The following ADGRL3 variants were observed in gnomAD, a reference collection of about 807,000 sequenced individuals.
ADGRL3 encodes calcium-independent alpha-latrotoxin receptor 3.
Under a neutral mutation model 153.5 loss-of-function variants are expected in ADGRL3, and 62 were observed. The ratio of observed to expected loss-of-function variants is 0.40; its 90% CI spans 0.33 to 0.50. The LOEUF (loss-of-function observed/expected upper bound fraction) is 0.50, where lower values mean the gene tolerates loss of function less well. Among genes scored for constraint, ADGRL3 ranks in the 20% least tolerant of loss-of-function variants. The probability of loss-of-function intolerance (pLI) is 0.47; values close to 1 mark genes in which losing one functional copy is unlikely to be tolerated. For synonymous variants in ADGRL3, 710 were observed against 672.5 expected, an observed-to-expected ratio of 1.06 and a Z score of -0.86; for missense variants, 1,641 against 1,859.4, an observed-to-expected ratio of 0.88 and a Z score of 2.16.
At chr4:61,762,254 T>G (rs1441210655) in intron 8 of ADGRL3, among the ~76,000 whole-genome samples, 1 of 152,190 alleles carries the variant, frequency 6.6e-6, no homozygotes, top group Non-Finnish European at 1.5e-5. Flanking sequence ...ATAAAATTTT[T>G]GAAACATTTA....
Position 61,884,075 on chromosome 4 carries a change from A to G in ADGRL3, c.1481-8581A>G, listed in dbSNP as rs1313904992. 2.0e-5 allele frequency among the ~76,000 whole-genome samples: 3 copies of G among 152,314 alleles called. No individual in the cohort carries two copies. The East Asian group carries it at 5.8e-4, about 29-fold the overall frequency. On this transcript the variant is annotated intron_variant, in intron 9 of 26. Transcript: ENST00000683033. ...CATAATAATTATTATTCAACATTTT[A>G]TTCCCAGTACAATGCCTGTCACATG...
chr4:61,408,858 A>T (rs2152236427), intron 2 of ADGRL3, among the ~76,000 whole-genome samples: 2 of 152,128 alleles, frequency 1.3e-5, no homozygotes, highest in Middle Eastern at 6.8e-3. Context: ...ATACTTTCAA[A>T]CTTATTTCTA....
At chr4:61,764,419 G>A (rs1174814268) in intron 8 of ADGRL3, among the ~76,000 whole-genome samples, 2 of 148,242 alleles carry the variant, frequency 1.3e-5, no homozygotes, top group Non-Finnish European at 2.9e-5. Flanking sequence ...AGGAGTGGGG[G>A]TTGCAAGGTG....
intron 2 of ADGRL3, among the ~76,000 whole-genome samples, chr4:61,430,149 G>T (rs1247131534): frequency 2.0e-5 from 3 of 152,056 alleles, no homozygotes; most frequent in African/African-American, 4.8e-5. Flanking sequence ...AGGTAATGTT[G>T]CCTTTCATCA....
At chr4:61,941,228 G>A (rs1410034604) in intron 15 of ADGRL3, among the ~76,000 whole-genome samples, 1 of 126,746 alleles carries the variant, frequency 7.9e-6, no homozygotes. Context: ...GTTTGTGAAA[G>A]ATCAGATAGT....
intron 9 of ADGRL3, among the ~76,000 whole-genome samples, chr4:61,836,012 C>G (rs2097929261): frequency 6.6e-6 from 1 of 152,058 alleles, no homozygotes; most frequent in Admixed American, 6.6e-5. Context: ...GAAAAAGTAG[C>G]CTGACATGGT....
intron 2 of ADGRL3, among the ~76,000 whole-genome samples, chr4:61,464,507 T>C (rs2097857634): frequency 6.6e-6 from 1 of 152,202 alleles, no homozygotes; most frequent in South Asian, 2.1e-4. Flanking sequence ...GAAATATTAA[T>C]TTACTCCAGA....
At chr4:61,259,626 G>GTCCATA (rs1278755238) in intron 1 of ADGRL3, among the ~76,000 whole-genome samples, 2 of 152,136 alleles carry the variant, frequency 1.3e-5, no homozygotes, top group African/African-American at 4.8e-5. Flanking sequence ...TGAACAGCAC[G>GTCCATA]TCCATATGCT....
intron 5 of ADGRL3, among the ~76,000 whole-genome samples, chr4:61,652,124 C>T (rs1488432918): frequency 2.0e-5 from 3 of 151,978 alleles, no homozygotes; most frequent in Non-Finnish European, 4.4e-5. Flanking sequence ...TAAGAGAAAA[C>T]ATAGCTTATT....
chr4:61,547,704 G>A (rs989472062), intron 4 of ADGRL3, among the ~76,000 whole-genome samples: 5 of 152,164 alleles, frequency 3.3e-5, no homozygotes, highest in African/African-American at 1.2e-4. Flanking sequence ...GAATACTGCT[G>A]CAGTGAATAT....
At chr4:61,258,565 G>A (rs1255108078) in intron 1 of ADGRL3, among the ~76,000 whole-genome samples, 3 of 152,172 alleles carry the variant, frequency 2.0e-5, no homozygotes, top group East Asian at 1.9e-4. Context: ...GCCTAGGTGC[G>A]TAGGTCTGTT....
At chr4:61,502,463 T>G (rs1387891184) in intron 3 of ADGRL3, among the ~76,000 whole-genome samples, 1 of 146,310 alleles carries the variant, frequency 6.8e-6, no homozygotes, top group Non-Finnish European at 1.5e-5. Flanking sequence ...AAAAAAATGC[T>G]TGTAGAACCA....
At chr4:61,312,062 A>G (rs947046561) in intron 1 of ADGRL3, among the ~76,000 whole-genome samples, 2 of 152,198 alleles carry the variant, frequency 1.3e-5, no homozygotes, top group African/African-American at 4.8e-5. Context: ...TGAAAAAAAT[A>G]AAACCTTTAA....
intron 8 of ADGRL3, among the ~76,000 whole-genome samples, chr4:61,811,338 G>GTTT (rs143850144): frequency 1.4e-4 from 21 of 151,454 alleles, no homozygotes; most frequent in African/African-American, 4.8e-4. Context: ...CAATGGATGA[G>GTTT]TTTTTTTTTA....
intron 2 of ADGRL3, among the ~76,000 whole-genome samples, chr4:61,489,396 A>G (rs2098232976): frequency 6.6e-6 from 1 of 151,996 alleles, no homozygotes. Flanking sequence ...CTAGGAAAAT[A>G]TGGCTACATT....
At chr4:61,509,383 C>A (rs955891056) in intron 3 of ADGRL3, among the ~76,000 whole-genome samples, 4 of 152,154 alleles carry the variant, frequency 2.6e-5, no homozygotes, top group African/African-American at 9.7e-5. Context: ...CCGCCTCAGC[C>A]TCCCAAAGTG....
chr4:61,515,031 C>T (rs193174478), intron 3 of ADGRL3, among the ~76,000 whole-genome samples: 3 of 152,126 alleles, frequency 2.0e-5, no homozygotes, highest in Admixed American at 6.6e-5. Flanking sequence ...TTCCCACGTC[C>T]CTGTCCTATG....
intron 6 of ADGRL3, among the ~76,000 whole-genome samples, chr4:61,718,452 T>C (rs1273758907): frequency 2.6e-5 from 4 of 152,232 alleles, no homozygotes. Context: ...TAGCAGAATT[T>C]GTCATTACAT....
chr4:62,024,077 A>G (rs1174985594), intron 21 of ADGRL3, among the ~76,000 whole-genome samples: 1 of 152,168 alleles, frequency 6.6e-6, no homozygotes, highest in Admixed American at 6.6e-5. Context: ...TAATATATTG[A>G]GTTAAAGAAA....
Sources: gnomAD v4.1 joint callset for allele counts (sites outside exome capture counted in the v4.1 genomes callset) on GRCh38, gnomAD v4.1.1 for gene constraint, MANE v1.5 for transcripts, NCBI Gene and HGNC (gene_info 2026-07-23, HGNC 2026-07-21) for gene names.